The following DMD variants were observed in gnomAD, a reference collection of about 807,000 sequenced individuals.
DMD encodes the protein mutant dystrophin.
In DMD, 63 loss-of-function variants were observed where a neutral mutation model predicts 330.1. The ratio of observed to expected loss-of-function variants is 0.19; its 90% CI spans 0.16 to 0.24. The LOEUF (loss-of-function observed/expected upper bound fraction) is 0.24, where lower values mean the gene tolerates loss of function less well. Ranked by LOEUF, DMD falls within the 10% of genes least tolerant of loss-of-function variation. DMD has a pLI of 1.00. For synonymous variants in DMD, 1,223 were observed against 959.8 expected, an observed-to-expected ratio of 1.27 and a Z score of -5.07; for missense variants, 3,344 against 2,684.1, an observed-to-expected ratio of 1.25 and a Z score of -5.43.
chrX:32,524,289 T>G, intron 17 of DMD, among the ~76,000 whole-genome samples: 1 of 111,935 alleles, frequency 8.9e-6, no homozygotes, highest in Middle Eastern at 4.7e-3. Flanking sequence ...AAGGCAAAAT[T>G]GTATGTTTCC....
intron 7 of DMD, among the ~76,000 whole-genome samples, chrX:32,805,361 T>C (rs778131452): frequency 1.4e-4 from 15 of 111,009 alleles, no homozygotes; most frequent in Non-Finnish European, 2.1e-4. Context: ...AGAAAAGATA[T>C]CAGAGATTGA....
intron 54 of DMD, among the ~76,000 whole-genome samples, chrX:31,646,253 T>TG (rs2080090395): frequency 4.9e-5 from 5 of 103,021 alleles, no homozygotes; most frequent in African/African-American, 1.8e-4. Context: ...GTGTTGTGTG[T>TG]TGTGTGTGTG....
intron 51 of DMD, among the ~76,000 whole-genome samples, chrX:31,752,878 A>G (rs1172758446): frequency 9.0e-6 from 1 of 111,218 alleles, no homozygotes; most frequent in East Asian, 2.8e-4. Context: ...AACTTCATCT[A>G]CTTTTTGAAT....
intron 59 of DMD, among the ~76,000 whole-genome samples, chrX:31,476,397 GTATATATATA>G (rs373498710): frequency 1.1e-4 from 10 of 88,325 alleles, no homozygotes; most frequent in African/African-American, 3.8e-4. Flanking sequence ...GTGTGTGTGT[GTATATATATA>G]TATATATATA....
chrX:31,312,372 A>C (rs901910092), intron 62 of DMD, among the ~76,000 whole-genome samples: 2 of 112,533 alleles, frequency 1.8e-5, no homozygotes, highest in African/African-American at 6.5e-5. Context: ...AACATCACTG[A>C]TCATCAGAGA....
chrX:32,825,640 T>C (rs926833808), intron 4 of DMD, among the ~76,000 whole-genome samples: 1 of 112,222 alleles, frequency 8.9e-6, no homozygotes, highest in African/African-American at 3.2e-5. Flanking sequence ...TACAGATAAA[T>C]GGATAAACAA....
chrX:32,888,872 A>G, intron 2 of DMD, among the ~76,000 whole-genome samples: 1 of 111,816 alleles, frequency 8.9e-6, no homozygotes, highest in Non-Finnish European at 1.9e-5. Flanking sequence ...TTGAACCTGG[A>G]GGATTTTGGA....
At chrX:31,842,632 G>A in intron 48 of DMD, among the ~76,000 whole-genome samples, 1 of 112,179 alleles carries the variant, frequency 8.9e-6, no homozygotes. Context: ...GTCAAGGCAA[G>A]ACCCTCCATC....
intron 44 of DMD, among the ~76,000 whole-genome samples, chrX:32,181,637 A>T (rs2096927320): frequency 2.7e-5 from 3 of 111,784 alleles, no homozygotes; most frequent in African/African-American, 9.7e-5. Context: ...AATATTGTAT[A>T]TCTCATTATT....
intron 1 of DMD, among the ~76,000 whole-genome samples, chrX:33,290,951 CA>C (rs753519219): frequency 9.0e-6 from 1 of 110,892 alleles, no homozygotes; most frequent in Admixed American, 9.7e-5. Flanking sequence ...TGAGACACAA[CA>C]AAAAAAGAAA....
Position 32,276,557 on chromosome X carries a change from G to T in DMD, c.6290+10972C>A, listed in dbSNP as rs189872147. Reference sequence around the variant, plus strand: ...ACCAGCTTAGTCACAGTAGGATAGGGCACTGGACAGTGTTGTGAGGACCCA... The same window carrying T: ...ACCAGCTTAGTCACAGTAGGATAGGTCACTGGACAGTGTTGTGAGGACCCA... On this transcript the variant is annotated intron_variant, in intron 43 of 78. Transcript: ENST00000357033. 4.4e-4 allele frequency among the ~76,000 whole-genome samples: 49 copies of T among 111,653 alleles called. No individual in the cohort carries two copies. In the Admixed American group the frequency reaches 4.5e-3, roughly 10 times the overall value.
intron 16 of DMD, among the ~76,000 whole-genome samples, chrX:32,564,491 C>T (rs2051447113): frequency 9.0e-6 from 1 of 111,220 alleles, no homozygotes; most frequent in Admixed American, 9.6e-5. Context: ...AAGCCATGGG[C>T]AGATCACATA....
chrX:33,336,893 T>G lies in DMD; in HGVS notation c.7+2366A>C, dbSNP rs2054262447. 2.7e-5 allele frequency among the ~76,000 whole-genome samples: 3 copies of G among 111,169 alleles called. No individual in the cohort carries two copies. The South Asian group carries it at 1.1e-3, about 42-fold the overall frequency. The stretch of plus-strand genomic sequence containing the variant: ...AGAAATATTGGCAGACATTTCCAGC[T>G]CTTACAATGCATTTATCAATAAGGG... On this transcript the variant is annotated intron_variant, in intron 1 of 17. Transcript: ENST00000288447.
chrX:32,141,384 C>T (rs2096752143), intron 44 of DMD, among the ~76,000 whole-genome samples: 1 of 110,390 alleles, frequency 9.1e-6, no homozygotes, highest in Admixed American at 9.7e-5. Flanking sequence ...TGCAGTGAGC[C>T]GAGATCATAC....
At chrX:32,869,724 A>T (rs1285993417) in intron 2 of DMD, among the ~76,000 whole-genome samples, 1 of 110,139 alleles carries the variant, frequency 9.1e-6, no homozygotes, top group Admixed American at 9.8e-5. Context: ...GAATGAATAG[A>T]CGCAGAAAAG....
chrX:32,662,143 A>G (rs1305924466), intron 9 of DMD, among the ~76,000 whole-genome samples: 1 of 111,765 alleles, frequency 8.9e-6, no homozygotes, highest in Non-Finnish European at 1.9e-5. Flanking sequence ...GATTTGCATA[A>G]TACTTATAAA....
At chrX:32,385,294 A>G (rs770876241) in intron 33 of DMD, among the ~76,000 whole-genome samples, 9 of 110,948 alleles carry the variant, frequency 8.1e-5, no homozygotes, top group Non-Finnish European at 1.7e-4. Context: ...CCGAGAATAC[A>G]CAATGAAAAA....
chrX:31,657,227 G>C (rs1445978505), intron 54 of DMD, among the ~76,000 whole-genome samples: 14 of 111,542 alleles, frequency 1.3e-4, no homozygotes, highest in Non-Finnish European at 1.9e-5. Flanking sequence ...TCTGCAAAGG[G>C]AGTCATCATT....
chrX:32,405,247 C>T (rs1307547961), intron 30 of DMD, among the ~76,000 whole-genome samples: 1 of 111,746 alleles, frequency 8.9e-6, no homozygotes, highest in Non-Finnish European at 1.9e-5. Context: ...AGCATGGTTA[C>T]TTAGACTGTT....
Sources: allele counts gnomAD v4.1 joint callset (sites outside exome capture counted in the v4.1 genomes callset), GRCh38; gene constraint gnomAD v4.1.1; transcripts MANE v1.5; gene names NCBI Gene and HGNC (gene_info 2026-07-23, HGNC 2026-07-21).